POU2F2: variants seen among roughly 807,000 people sequenced by gnomAD.
POU2F2 encodes POU domain, class 2, transcription factor 2.
POU2F2 carries 14 observed loss-of-function variants against 63.5 expected under a neutral mutation model. The ratio of observed to expected loss-of-function variants is 0.22; its 90% CI spans 0.15 to 0.34. POU2F2 has a LOEUF of 0.34. POU2F2 is among the 10% of genes least tolerant of loss of function. The pLI, the probability that POU2F2 is intolerant of heterozygous loss-of-function variation, is 1.00. For synonymous variants in POU2F2, 306 were observed against 348.6 expected (o/e 0.88, Z 1.36); for missense variants, 607 against 815.2 (o/e 0.74, Z 3.11).
At chr19:42,179,438 G>A (rs1165869985), upstream of POU2F2, among the ~76,000 whole-genome samples, 1 of 151,988 alleles carries the variant, frequency 6.6e-6, no homozygotes, top group Non-Finnish European at 1.5e-5. Context: ...CCCTGCAGGC[G>A]GGGGTGCAGT....
chr19:42,120,280 A>G (rs1465057821), intron 4 of POU2F2, among the ~76,000 whole-genome samples: 6 of 149,180 alleles, frequency 4.0e-5, no homozygotes, highest in Non-Finnish European at 8.9e-5. Context: ...GCAGTGGTGC[A>G]ATCTCGGCTC....
At chr19:42,103,669 G>T (rs2146413023) in intron 5 of POU2F2, among the ~76,000 whole-genome samples, 2 of 103,846 alleles carry the variant, frequency 1.9e-5, no homozygotes, top group East Asian at 2.9e-4. Flanking sequence ...GTCTCACTCT[G>T]TTGCCCAGGC....
Position 42,154,639 on chromosome 19 carries a change from A to G in POU2F2, c.-9+5693T>C, listed in dbSNP as rs2034422724. 1.3e-5 allele frequency among the ~76,000 whole-genome samples: 2 copies of G among 152,106 alleles called. 1 individual carries two copies. Among genetic ancestry groups the G allele is most frequent in the Admixed American group, 1.3e-4 (2 of 15,276 alleles). On this transcript the variant is annotated intron_variant, in intron 2 of 6. Coordinates refer to the POU2F2 transcript ENST00000524801. The stretch of plus-strand genomic sequence containing the variant: ...GCTGAGTGAGAGTGAGAGAGAAAGG[A>G]GACCAGAGAGATAAAAGGCAGACGG...
intron 1 of POU2F2, among the ~76,000 whole-genome samples, chr19:42,125,267 T>C (rs920894417): frequency 4.7e-5 from 7 of 150,048 alleles, no homozygotes; most frequent in African/African-American, 1.7e-4. Context: ...TAGGCTGAGA[T>C]GGGAAGGTCG....
At chr19:42,129,580 C>T (rs576937792) in intron 1 of POU2F2, among the ~76,000 whole-genome samples, 139 of 152,362 alleles carry the variant, frequency 9.1e-4, no homozygotes, top group African/African-American at 3.2e-3. Flanking sequence ...CTGCCCCTCA[C>T]CCCTCCTGGC....
chr19:42,122,369 C>A lies in POU2F2; in HGVS notation c.104G>T (p.Arg35Ile), dbSNP rs760733530. Residue 35 changes from arginine (R) to isoleucine (I), a missense_variant, in exon 3 of 15, where the codon AGA becomes ATA. Arg to Ile is a moderately conservative substitution (Grantham distance 97). Coordinates refer to ENST00000692977, the MANE Select transcript of POU2F2 (RefSeq NM_001394376.1). ...CTGATGATTAGTGTCTGGTCCATTT[C>A]TTTCGGTGTCTGCAAAGAGAGGGAA... The part of the protein sequence containing the change: ...DSPSEHTDTE[R>I]NGPDTNHQNP... 3.4e-6 allele frequency: 5 copies of A among 1,480,742 alleles called. No homozygotes were observed. The highest frequency in any genetic ancestry group is 1.9e-4 in the Middle Eastern group (1 of 5,358). 91.7% of individuals were successfully genotyped at this position (1,480,742 alleles called of 1,614,324 possible). A position where few individuals can be genotyped will look rare whatever the true frequency, so the allele number is the denominator to read the frequency against.
Position 42,153,693 on chromosome 19 carries a change from C to T in POU2F2, c.-9+6639G>A, listed in dbSNP as rs1599678138. 1.3e-5 allele frequency among the ~76,000 whole-genome samples: 2 copies of T among 152,066 alleles called. No homozygotes were observed. The highest frequency in any genetic ancestry group is 2.1e-4 in the South Asian group (1 of 4,812). On this transcript the variant is annotated intron_variant, in intron 2 of 6. Transcript: ENST00000524801. The surrounding 1 kb of genome is among the most constrained non-coding windows in gnomAD (Gnocchi z 5.6). ...TGTGATGCTGTGTGTCCCTGTGTGC[C>T]GATGGTCGAGTGTGTTTCCACAAGT...
chr19:42,186,869 A>T (rs1190466424), intron 1 of POU2F2, among the ~76,000 whole-genome samples: 1 of 152,170 alleles, frequency 6.6e-6, no homozygotes, highest in East Asian at 1.9e-4. Flanking sequence ...TCATTGAGAC[A>T]GGAGAAAATA....
Position 42,155,267 on chromosome 19 carries a change from C to T in POU2F2, c.-9+5065G>A, listed in dbSNP as rs2034436738. ...TCTCTTTCTCTCTGTTCCTTTCTGT[C>T]TCTGAGTCCCTCACTCTGCTTTCCT... On this transcript the variant is annotated intron_variant, in intron 2 of 6. Coordinates refer to the POU2F2 transcript ENST00000524801. This position sits in a 1 kb window ranked among gnomAD's most constrained non-coding sequence, Gnocchi z 4.2. 6.6e-6 allele frequency among the ~76,000 whole-genome samples: 1 copy of T among 152,252 alleles called. No individual in the cohort carries two copies. Among genetic ancestry groups the T allele is most frequent in the Non-Finnish European group, 1.5e-5 (1 of 68,042 alleles).
At position 42,117,411 on chromosome 19, in the gene POU2F2, G is replaced by T. The variant is rs766513054; in HGVS notation, c.208C>A (p.His70Asn). The stretch of plus-strand genomic sequence containing the variant: ...GGTCCGGGACCCCAGAATGTTAAGT[G>T]GAGGCCAGAGAGAATGCCCACCTGT... ...STKVGILSGL[H>N]LTFWGPGPCL... is the part of the protein sequence containing the mutation. Residue 70 changes from histidine (H) to asparagine (N), a missense_variant, in exon 5 of 15, where the codon CAC (histidine) becomes AAC (asparagine). Physicochemically the swap from His to Asn is moderately conservative, Grantham distance 68. Transcript: ENST00000692977. This position sits in a 1 kb window ranked among gnomAD's most constrained non-coding sequence, Gnocchi z 4.4. 4 of 1,373,486 alleles carry T rather than the reference G, an allele frequency of 2.9e-6. No homozygotes were observed. Among genetic ancestry groups the T allele is most frequent in the Non-Finnish European group, 4.0e-6 (4 of 998,282 alleles). 85.1% of individuals were successfully genotyped at this position (1,373,486 alleles called of 1,614,324 possible).
intron 5 of POU2F2, among the ~76,000 whole-genome samples, chr19:42,112,034 G>A (rs561734588): frequency 3.0e-4 from 45 of 152,164 alleles, no homozygotes; most frequent in Non-Finnish European, 5.3e-4. Flanking sequence ...ACCTACATAT[G>A]GACTGCATAT....
rs967826363 is a variant in POU2F2, at chr19:42,089,823, C to T, written c.*1434G>A. 6.6e-6 allele frequency: 1 copy of T among 151,684 alleles called. No homozygotes were observed. Among genetic ancestry groups the T allele is most frequent in the Admixed American group, 6.6e-5 (1 of 15,226 alleles). 9.4% of individuals were successfully genotyped at this position (151,684 alleles called of 1,614,324 possible). ...GTTTTCGGTTCAAAACTTTGTTGGC[C>T]TCCACAATAGCAGGAGGGCAGGGTG... On this transcript the variant is annotated 3_prime_UTR_variant, in exon 15 of 15. Coordinates refer to ENST00000692977, the MANE Select transcript of POU2F2 (RefSeq NM_001394376.1).
chr19:42,102,314 G>T (rs187056535), intron 5 of POU2F2, among the ~76,000 whole-genome samples: 75 of 152,258 alleles, frequency 4.9e-4, no homozygotes, highest in African/African-American at 1.7e-3. Flanking sequence ...TGAAGTTTGG[G>T]GAGTAAAGAC....
upstream of POU2F2, among the ~76,000 whole-genome samples, chr19:42,178,788 A>G (rs774383632): frequency 6.6e-6 from 1 of 152,194 alleles, no homozygotes; most frequent in African/African-American, 2.4e-5. Context: ...ATGTGCAAAG[A>G]GAGAAACAGA....
At chr19:42,107,612 TC>T (rs1422757449) in intron 5 of POU2F2, among the ~76,000 whole-genome samples, 6 of 152,340 alleles carry the variant, frequency 3.9e-5, no homozygotes, top group Middle Eastern at 3.4e-3. Context: ...ACTACTGTTG[TC>T]TGTTGTCTAT....
intron 5 of POU2F2, among the ~76,000 whole-genome samples, chr19:42,105,639 G>A (rs1331715377): frequency 6.6e-5 from 10 of 152,172 alleles, no homozygotes; most frequent in Admixed American, 6.5e-4. Flanking sequence ...GTCTCATGGT[G>A]AGAAGTTCAG....
chr19:42,154,357 G>A (rs1275931087), intron 2 of POU2F2, among the ~76,000 whole-genome samples: 1 of 151,986 alleles, frequency 6.6e-6, no homozygotes, highest in Non-Finnish European at 1.5e-5. Context: ...GAAAGAGACT[G>A]GAAGGGACAC....
intron 5 of POU2F2, among the ~76,000 whole-genome samples, chr19:42,106,051 C>CTTTCTTTCT (rs1555897213): frequency 2.5e-5 from 2 of 79,026 alleles, no homozygotes; most frequent in South Asian, 3.8e-4. Flanking sequence ...TTCTTTCTTT[C>CTTTCTTTCT]TTCTTTCTTT....
intron 1 of POU2F2, among the ~76,000 whole-genome samples, chr19:42,181,085 T>A (rs2034954941): frequency 6.6e-6 from 1 of 152,226 alleles, no homozygotes; most frequent in Admixed American, 6.5e-5. Flanking sequence ...ATATCCATAT[T>A]AAGCAGAAGC....
Sources: gnomAD v4.1 joint callset for allele counts (sites outside exome capture counted in the v4.1 genomes callset) on GRCh38, gnomAD v4.1.1 for gene constraint, Gnocchi (gnomAD v3.1) non-coding constraint, MANE v1.5 for transcripts, NCBI Gene and HGNC (gene_info 2026-07-23, HGNC 2026-07-21) for gene names.